Variants in PTPRD observed in about 807,000 individuals in gnomAD.
PTPRD encodes protein tyrosine phosphatase receptor type D.
Under a neutral mutation model 214.5 loss-of-function variants are expected in PTPRD, and 34 were observed. That is an observed-to-expected ratio of 0.16 (90% confidence interval 0.12 to 0.21). The LOEUF (loss-of-function observed/expected upper bound fraction) is 0.21. Among genes scored for constraint, PTPRD ranks in the 10% least tolerant of loss-of-function variants. PTPRD has a pLI of 1.00. For missense variants in PTPRD, 2,545 were observed against 2,398.7 expected, an observed-to-expected ratio of 1.06 and a Z score of -1.27; for synonymous variants, 1,128 against 845.7, an observed-to-expected ratio of 1.33 and a Z score of -5.79.
chr9:9,415,667 A>G (rs1028604193), intron 8 of PTPRD, among the ~76,000 whole-genome samples: 1 of 152,166 alleles, frequency 6.6e-6, no homozygotes, highest in Admixed American at 6.5e-5. Flanking sequence ...CCCTTTAGGG[A>G]TTAGTAATAG....
chr9:8,431,991 T>C (rs1255812624), intron 35 of PTPRD, among the ~76,000 whole-genome samples: 1 of 152,254 alleles, frequency 6.6e-6, no homozygotes, highest in Non-Finnish European at 1.5e-5. Context: ...TATTAATTAC[T>C]GCCTCAATTT....
chr9:10,466,680 G>C (rs2098996653), intron 2 of PTPRD, among the ~76,000 whole-genome samples: 2 of 142,858 alleles, frequency 1.4e-5, no homozygotes, highest in South Asian at 4.5e-4. Context: ...AACGTGTATA[G>C]CTCTAAAGTG....
intron 9 of PTPRD, among the ~76,000 whole-genome samples, chr9:9,344,438 T>A (rs1251892086): frequency 6.6e-6 from 1 of 151,986 alleles, no homozygotes; most frequent in Non-Finnish European, 1.5e-5. Context: ...GGCACATGTA[T>A]GCTTATGTGA....
At chr9:10,544,463 C>A (rs1006497883) in intron 2 of PTPRD, among the ~76,000 whole-genome samples, 40 of 151,892 alleles carry the variant, frequency 2.6e-4, no homozygotes, top group African/African-American at 9.4e-4. Flanking sequence ...TAACAGTGTA[C>A]TTAAAAACAC....
chr9:9,782,824 A>G (rs1016520721), intron 5 of PTPRD, among the ~76,000 whole-genome samples: 4 of 152,226 alleles, frequency 2.6e-5, no homozygotes, highest in African/African-American at 9.6e-5. Flanking sequence ...CAGGAAACCC[A>G]CAAAACGAAA....
At chr9:9,956,356 G>A (rs1292151458) in intron 4 of PTPRD, among the ~76,000 whole-genome samples, 1 of 151,314 alleles carries the variant, frequency 6.6e-6, no homozygotes, top group Non-Finnish European at 1.5e-5. Context: ...AATTGAGGCT[G>A]AGAGTCAGAT....
intron 10 of PTPRD, among the ~76,000 whole-genome samples, chr9:9,050,674 C>T (rs2099683208): frequency 7.7e-6 from 1 of 129,966 alleles, no homozygotes; most frequent in South Asian, 2.9e-4. Context: ...CATGATGCAT[C>T]CATGCTATAC....
chr9:9,833,462 G>T (rs1312383616), intron 5 of PTPRD, among the ~76,000 whole-genome samples: 13 of 150,994 alleles, frequency 8.6e-5, no homozygotes, highest in South Asian at 4.2e-4. Context: ...CGAGATCACA[G>T]GACCACAGGA....
intron 3 of PTPRD, among the ~76,000 whole-genome samples, chr9:10,185,881 G>C (rs1304484029): frequency 6.6e-6 from 1 of 151,964 alleles, no homozygotes; most frequent in East Asian, 1.9e-4. Flanking sequence ...TCTATTTCTT[G>C]TGGAGAGGGC....
chr9:9,529,124 G>C (rs915126104), intron 8 of PTPRD, among the ~76,000 whole-genome samples: 4 of 151,602 alleles, frequency 2.6e-5, no homozygotes, highest in Non-Finnish European at 5.9e-5. Flanking sequence ...GATAGAGATG[G>C]GGTTTCACCA....
chr9:10,376,799 A>C (rs920360561), intron 2 of PTPRD, among the ~76,000 whole-genome samples: 20 of 151,906 alleles, frequency 1.3e-4, no homozygotes, highest in African/African-American at 4.3e-4. Context: ...GTGTATACTT[A>C]TGAGGTACAT....
At chr9:9,531,460 C>G (rs1178281952) in intron 8 of PTPRD, among the ~76,000 whole-genome samples, 1 of 152,002 alleles carries the variant, frequency 6.6e-6, no homozygotes, top group African/African-American at 2.4e-5. Context: ...TGATATGATT[C>G]AGTGTGATTT....
intron 3 of PTPRD, among the ~76,000 whole-genome samples, chr9:10,143,150 G>T (rs528086738): frequency 2.9e-4 from 44 of 152,240 alleles, no homozygotes; most frequent in African/African-American, 9.9e-4. Context: ...GAGAGGGATA[G>T]CATTGGGAGA....
intron 5 of PTPRD, among the ~76,000 whole-genome samples, chr9:9,858,603 T>C (rs954094662): frequency 6.6e-6 from 1 of 152,218 alleles, no homozygotes; most frequent in African/African-American, 2.4e-5. Flanking sequence ...AAGCAGCAGT[T>C]AGCCATTGGT....
In PTPRD at chr9:8,449,844, G is replaced by A. The variant is rs781097301; in HGVS notation, c.3876-7C>T. On this transcript the variant is annotated splice_polypyrimidine_tract_variant and splice_region_variant and intron_variant, in intron 33 of 45. Transcript: ENST00000381196. ...GTCGGACTCTGCCCTCTTCCTATAG[G>A]GGGAAAATAGAAATTTAAGAAGAAA... 3.1e-6 allele frequency: 5 copies of A among 1,610,560 alleles called. No individual in the cohort carries two copies. Among genetic ancestry groups the A allele is most frequent in the Non-Finnish European group, 1.7e-6 (2 of 1,178,236 alleles).
At chr9:10,447,487 G>A (rs1253670619) in intron 2 of PTPRD, among the ~76,000 whole-genome samples, 1 of 151,892 alleles carries the variant, frequency 6.6e-6, no homozygotes, top group Non-Finnish European at 1.5e-5. Context: ...CATCAGATGT[G>A]GTTTTGCCAA....
At chr9:9,449,702 C>A (rs983257705) in intron 8 of PTPRD, among the ~76,000 whole-genome samples, 2 of 151,950 alleles carry the variant, frequency 1.3e-5, no homozygotes, top group Non-Finnish European at 2.9e-5. Flanking sequence ...TGTATTCAGA[C>A]ATAACCTCAA....
chr9:8,383,685 A>G lies in PTPRD; in HGVS notation c.4386+5547T>C, dbSNP rs1373723685. Among the ~76,000 whole-genome samples, 4 of 152,166 alleles carry G rather than the reference A, an allele frequency of 2.6e-5. No individual in the cohort carries two copies. In the East Asian group the frequency reaches 7.7e-4, roughly 29 times the overall value. ...TTGGCACAGCCCACATTGGATTACAATAAAAATCATGACTGATTTGTTAAG... is the reference window on the plus strand; with the variant it reads ...TTGGCACAGCCCACATTGGATTACAGTAAAAATCATGACTGATTTGTTAAG... On this transcript the variant is annotated intron_variant, in intron 37 of 45. Transcript: ENST00000381196.
intron 3 of PTPRD, among the ~76,000 whole-genome samples, chr9:10,228,919 G>A (rs150009350): frequency 8.4e-4 from 128 of 151,850 alleles, no homozygotes; most frequent in Non-Finnish European, 1.6e-3. Context: ...GCAAAATAGT[G>A]TCTACTATGG....
Sources: gnomAD v4.1 joint callset for allele counts (sites outside exome capture counted in the v4.1 genomes callset) on GRCh38, gnomAD v4.1.1 for gene constraint, MANE v1.5 for transcripts, NCBI Gene and HGNC (gene_info 2026-07-23, HGNC 2026-07-21) for gene names.